DAPL1: variants seen among roughly 807,000 people sequenced by gnomAD.
DAPL1 encodes death-associated protein-like 1.
In DAPL1, 17 loss-of-function variants were observed where a neutral mutation model predicts 12.9. The ratio of observed to expected loss-of-function variants is 1.32; its 90% CI spans 0.90 to 1.98. DAPL1 has a LOEUF of 1.98. Ranked by LOEUF, DAPL1 falls within the 30% of genes most tolerant of loss-of-function variation. The probability of loss-of-function intolerance (pLI) is 0.00; values close to 1 mark genes in which losing one functional copy is unlikely to be tolerated. For missense variants in DAPL1, 157 were observed against 125.7 expected (o/e 1.25, Z -1.19); for synonymous variants, 51 against 42.0 (o/e 1.21, Z -0.82).
At chr2:158,800,441 T>G (rs1213537770) in intron 1 of DAPL1, among the ~76,000 whole-genome samples, 3 of 152,132 alleles carry the variant, frequency 2.0e-5, no homozygotes, top group Admixed American at 6.6e-5. Flanking sequence ...TAAATAATAA[T>G]TAGTAATTAG....
In DAPL1 at chr2:158,807,089, G is replaced by A. The variant is rs145213097; in HGVS notation, c.181G>A (p.Asp61Asn). ...AAATGTTGCCAAAATACAGACACTG[G>A]ATGCCCTGAATGACGCACTGGAGAA... The part of the protein sequence containing the change: ...IANVAKIQTL[D>N]ALNDALEKLN... The change falls in exon 3 of 4, where the codon GAT becomes AAT. Residue 61 changes from aspartate to asparagine, a missense_variant. Transcript: ENST00000309950. 586 of 1,611,128 alleles carry A rather than the reference G, an allele frequency of 3.6e-4. 2 individuals are homozygous for A. The highest frequency in any genetic ancestry group is 6.4e-4 in the South Asian group (58 of 90,662).
intron 3 of DAPL1, 72 bp from the exon 4 acceptor site, chr2:158,815,633 T>C: frequency 2.2e-6 from 2 of 922,718 alleles, no homozygotes; most frequent in Non-Finnish European, 3.6e-6. Context: ...ACGATATCAC[T>C]TTCTACTAGT....
chr2:158,797,786 C>T (rs1354425545), intron 1 of DAPL1, among the ~76,000 whole-genome samples: 26 of 143,254 alleles, frequency 1.8e-4, no homozygotes, highest in Admixed American at 1.5e-3. Flanking sequence ...AGTGAGACCC[C>T]GTCTGAAAAA....
intron 3 of DAPL1, among the ~76,000 whole-genome samples, chr2:158,811,927 A>T (rs890940026): frequency 2.0e-5 from 3 of 152,198 alleles, no homozygotes; most frequent in Non-Finnish European, 4.4e-5. Flanking sequence ...AACTTTTCCT[A>T]TCTCCATTGA....
chr2:158,803,997 G>A (rs2105151137), intron 1 of DAPL1, among the ~76,000 whole-genome samples: 1 of 152,300 alleles, frequency 6.6e-6, no homozygotes, highest in South Asian at 2.1e-4. Context: ...ATGCCTAAGG[G>A]AGTATGTTGT....
rs141928198 is a variant in DAPL1, at chr2:158,815,905, G to A, written c.*84G>A. ...AAAAGGGCCAAAGCTTTCCATAGGCGTGCTGCACTTGCTTGGTAAATTAAG... is the reference window on the plus strand; with the variant it reads ...AAAAGGGCCAAAGCTTTCCATAGGCATGCTGCACTTGCTTGGTAAATTAAG... On this transcript the variant is annotated 3_prime_UTR_variant, in exon 4 of 4. Transcript: ENST00000309950. 2.0e-4 allele frequency: 181 copies of A among 926,080 alleles called. No individual in the cohort carries two copies. In the East Asian group the frequency reaches 4.0e-3, roughly 20 times the overall value. The allele number at this position is 926,080 out of a possible 1,614,324, so 57.4% of individuals were successfully genotyped here.
chr2:158,813,384 A>G (rs963675344), intron 3 of DAPL1, among the ~76,000 whole-genome samples: 3 of 152,202 alleles, frequency 2.0e-5, no homozygotes, highest in South Asian at 2.1e-4. Flanking sequence ...AAAATGGTTA[A>G]AATGGCAAGT....
chr2:158,798,692 C>T (rs961073327), intron 1 of DAPL1, among the ~76,000 whole-genome samples: 1 of 152,076 alleles, frequency 6.6e-6, no homozygotes, highest in African/African-American at 2.4e-5. Context: ...TGTCAAAGCC[C>T]TCTTACTCTA....
chr2:158,803,647 A>G (rs936405812), intron 1 of DAPL1, among the ~76,000 whole-genome samples: 2 of 152,360 alleles, frequency 1.3e-5, no homozygotes, highest in Non-Finnish European at 2.9e-5. Context: ...CCTAATTAAC[A>G]CTAATTGATC....
intron 1 of DAPL1, among the ~76,000 whole-genome samples, chr2:158,796,895 A>T (rs887889455): frequency 6.6e-6 from 1 of 152,186 alleles, no homozygotes; most frequent in Non-Finnish European, 1.5e-5. Flanking sequence ...GACACTACAG[A>T]TAAGAGGTTT....
chr2:158,809,351 C>G (rs1490798368), intron 3 of DAPL1, among the ~76,000 whole-genome samples: 1 of 2,262 alleles, frequency 4.4e-4, no homozygotes, highest in Non-Finnish European at 1.4e-3. Context: ...GAGCGAGACT[C>G]CATCTCAAAA....
At chr2:158,808,842 T>C (rs1287638327) in intron 3 of DAPL1, among the ~76,000 whole-genome samples, 1 of 152,164 alleles carries the variant, frequency 6.6e-6, no homozygotes, top group African/African-American at 2.4e-5. Context: ...AATAAAGTAT[T>C]GAAAAGGAAT....
chr2:158,795,491 C>A (rs2059129837), intron 1 of DAPL1, 61 bp downstream of exon 1: 2 of 1,492,188 alleles, frequency 1.3e-6, no homozygotes, highest in Non-Finnish European at 9.1e-7. Flanking sequence ...CCACCAATGC[C>A]TTCCATGGAG....
chr2:158,805,380 C>T (rs749710966), intron 2 of DAPL1, among the ~76,000 whole-genome samples: 9 of 152,192 alleles, frequency 5.9e-5, no homozygotes, highest in Non-Finnish European at 1.3e-4. Context: ...AAAAGGGAAG[C>T]TGTGCGTCCT....
rs1438403661 is a variant in DAPL1 at position 158,807,059 on chromosome 2, A to G, written c.151A>G (p.Ile51Val). 2 of 1,612,644 alleles carry G rather than the reference A, an allele frequency of 1.2e-6. No individual in the cohort carries two copies. Among genetic ancestry groups the G allele is most frequent in the Non-Finnish European group, 1.7e-6 (2 of 1,179,024 alleles). The change falls in exon 3 of 4, where the codon ATT becomes GTT. Residue 51 changes from isoleucine (I) to valine (V), a missense_variant. Ile to Val is a conservative substitution (Grantham distance 29, BLOSUM62 3). Coordinates refer to ENST00000309950, the MANE Select transcript of DAPL1 (RefSeq NM_001017920.3). ...AGTTTCTTTTCATCTTCACAGTGCC[A>G]TTGCAAATGTTGCCAAAATACAGAC... ...KKTGFEKTSA[I>V]ANVAKIQTLD...
At chr2:158,806,966 G>C in intron 2 of DAPL1, 89 bp from the exon 3 acceptor site, 6 of 960,208 alleles carry the variant, frequency 6.2e-6, no homozygotes, top group Admixed American at 2.0e-5. Flanking sequence ...AGCATAAAAG[G>C]CTGGAGAGAC....
Position 158,800,984 on chromosome 2 carries a change from C to T in DAPL1, c.59-3298C>T, listed in dbSNP as rs1255978436. Among the ~76,000 whole-genome samples, 8 of 152,218 alleles carry T rather than the reference C, an allele frequency of 5.3e-5. No individual in the cohort carries two copies. In the South Asian group the frequency reaches 8.3e-4, roughly 16 times the overall value. On this transcript the variant is annotated intron_variant, in intron 1 of 3. Transcript: ENST00000309950. ...CCTCCCAAATAGTGGCTGGGACTACCGGCAATCGCCACCACACCCAGCTAA... is the reference window on the plus strand; with the variant it reads ...CCTCCCAAATAGTGGCTGGGACTACTGGCAATCGCCACCACACCCAGCTAA...
chr2:158,796,954 C>G (rs1317135890), intron 1 of DAPL1, among the ~76,000 whole-genome samples: 1 of 152,188 alleles, frequency 6.6e-6, no homozygotes, highest in Non-Finnish European at 1.5e-5. Flanking sequence ...CCCCACTGAG[C>G]ACAAGGGAAC....
In DAPL1 at chr2:158,806,370, G is replaced by A. The variant is rs190499936; in HGVS notation, c.147-685G>A. Among the ~76,000 whole-genome samples, 6 of 152,230 alleles carry A rather than the reference G, an allele frequency of 3.9e-5. 1 individual carries two copies. Among genetic ancestry groups the A allele is most frequent in the Admixed American group, 3.9e-4 (6 of 15,288 alleles). On this transcript the variant is annotated intron_variant, in intron 2 of 3. Coordinates refer to ENST00000309950, the MANE Select transcript of DAPL1 (RefSeq NM_001017920.3). ...ATGCAAAAGAGTACAAGCTGTAGAC[G>A]GTTCATTTTACGAAGCACAAAAACA...
Sources: allele counts gnomAD v4.1 joint callset (sites outside exome capture counted in the v4.1 genomes callset), GRCh38; gene constraint gnomAD v4.1.1; transcripts MANE v1.5; gene names NCBI Gene and HGNC (gene_info 2026-07-23, HGNC 2026-07-21).